Variants in XPNPEP1 observed in about 807,000 individuals in gnomAD.
The protein encoded by XPNPEP1 is X-prolyl aminopeptidase 1, also known as xaa-Pro aminopeptidase 1.
Under a neutral mutation model 92.4 loss-of-function variants are expected in XPNPEP1, and 39 were observed. The observed-to-expected ratio is 0.42, with a 90% CI of 0.33 to 0.55. The LOEUF is 0.55. Among genes scored for constraint, XPNPEP1 ranks in the 20% least tolerant of loss-of-function variants. The pLI, the probability that XPNPEP1 is intolerant of heterozygous loss-of-function variation, is 0.08. For missense variants in XPNPEP1, 654 were observed against 856.1 expected, an observed-to-expected ratio of 0.76 and a Z score of 2.95; for synonymous variants, 307 against 299.4, an observed-to-expected ratio of 1.03 and a Z score of -0.26.
chr10:109,920,816 G>T (rs900842876), intron 1 of XPNPEP1, among the ~76,000 whole-genome samples: 1 of 152,052 alleles, frequency 6.6e-6, no homozygotes, highest in African/African-American at 2.4e-5. Context: ...AAAGTGCTGG[G>T]ACTATAGGTG....
intron 7 of XPNPEP1, among the ~76,000 whole-genome samples, chr10:109,887,285 G>A (rs540565644): frequency 1.1e-4 from 17 of 152,126 alleles, no homozygotes; most frequent in Admixed American, 4.6e-4. Context: ...TCCCCATTCC[G>A]CAATACCCCT....
chr10:109,887,929 G>C lies in XPNPEP1; in HGVS notation c.652+120C>G, dbSNP rs1048905780. Reference sequence around the variant, plus strand: ...TCAAATATCCCACTGGGGCAGAGTAGGGCAAAATCCTCCTGTCAGCTCCAA... The same window carrying C: ...TCAAATATCCCACTGGGGCAGAGTACGGCAAAATCCTCCTGTCAGCTCCAA... On this transcript the variant is annotated intron_variant, in intron 7 of 20. Coordinates refer to ENST00000502935, the MANE Select transcript of XPNPEP1 (RefSeq NM_020383.4). The C allele has an allele frequency of 3.5e-6, 5 of 1,422,884 alleles. No homozygotes were observed. In the African/African-American group the frequency reaches 5.7e-5, roughly 16 times the overall value. The allele number at this position is 1,422,884 out of a possible 1,614,324, so 88.1% of individuals were successfully genotyped here.
At chr10:109,908,015 A>G (rs1849653567) in intron 2 of XPNPEP1, among the ~76,000 whole-genome samples, 200 bp from the exon 3 acceptor site, 1 of 152,206 alleles carries the variant, frequency 6.6e-6, no homozygotes, top group Non-Finnish European at 1.5e-5. Flanking sequence ...TACTACCTCC[A>G]AATAGCCATT....
In XPNPEP1 at chr10:109,867,473, C is replaced by T. The variant is rs1417062272; in HGVS notation, c.1872+1141G>A. 1.3e-5 allele frequency among the ~76,000 whole-genome samples: 2 copies of T among 152,212 alleles called. No individual in the cohort carries two copies. The highest frequency in any genetic ancestry group is 4.8e-5 in the African/African-American group (2 of 41,444). On this transcript the variant is annotated intron_variant, in intron 20 of 20. Coordinates refer to ENST00000502935, the MANE Select transcript of XPNPEP1 (RefSeq NM_020383.4). The surrounding 1 kb of genome is among the most constrained non-coding windows in gnomAD (Gnocchi z 4.5). ...AAGGGCACGGATGGTTAAGCAGAGG[C>T]GCTCAAGCACAGAGGAAAGCTAAGC...
Position 109,886,343 on chromosome 10 carries a change from T to C in XPNPEP1, c.653-2A>G, listed in dbSNP as rs1289302208. On this transcript the variant is annotated splice_acceptor_variant, in intron 7 of 20. Coordinates refer to ENST00000502935, the MANE Select transcript of XPNPEP1 (RefSeq NM_020383.4). LOFTEE classifies it high-confidence loss of function. ...CAACCTTGTCCTTCCAGGAGATGCC[T>C]GCAAGAAACAAATGTGCTTTAACTC... The C allele has an allele frequency of 1.2e-6, 2 of 1,613,858 alleles. No individual in the cohort carries two copies. Among genetic ancestry groups the C allele is most frequent in the South Asian group, 1.1e-5 (1 of 90,988 alleles).
At position 109,871,124 on chromosome 10, in the gene XPNPEP1, T is replaced by C. The variant is rs1019137799; in HGVS notation, c.1523-220A>G. 103 of 495,616 alleles carry C rather than the reference T, an allele frequency of 2.1e-4. 1 individual carries two copies. The highest frequency in any genetic ancestry group is 1.9e-3 in the South Asian group (56 of 29,538). The allele number at this position is 495,616 out of a possible 1,614,324, so 30.7% of individuals were successfully genotyped here. ...GGCGATCATCCATTCAGGATGCTGGTGAGCGGGGATAGACACCTACAGCAC... is the reference window on the plus strand; with the variant it reads ...GGCGATCATCCATTCAGGATGCTGGCGAGCGGGGATAGACACCTACAGCAC... On this transcript the variant is annotated intron_variant, in intron 17 of 20. Transcript: ENST00000502935.
intron 5 of XPNPEP1, chr10:109,891,189 T>G (rs1044439922): frequency 2.6e-5 from 4 of 152,440 alleles, no homozygotes; most frequent in Non-Finnish European, 5.9e-5. Context: ...ATATGTTACT[T>G]ACTGTGATTA....
chr10:109,899,821 G>A (rs1260640390), intron 3 of XPNPEP1, among the ~76,000 whole-genome samples: 1 of 152,232 alleles, frequency 6.6e-6, no homozygotes, highest in Non-Finnish European at 1.5e-5. Context: ...GTCTACGGAT[G>A]AGGAGGATGA....
chr10:109,914,085 TAA>T (rs11311514), intron 2 of XPNPEP1, among the ~76,000 whole-genome samples: 57 of 145,664 alleles, frequency 3.9e-4, no homozygotes, highest in East Asian at 9.9e-4. Flanking sequence ...TTCAGTCAGC[TAA>T]AAAAAAAAAA....
rs373254557 is a variant in XPNPEP1 at position 109,891,837 on chromosome 10, G to C, written c.311-11C>G. 1.5e-5 allele frequency: 24 copies of C among 1,607,926 alleles called. No homozygotes were observed. The highest frequency in any genetic ancestry group is 2.0e-5 in the Non-Finnish European group (24 of 1,177,782). ...TGATGATGGCTGTGCCTGAAGCAGG[G>C]GAGAAAAAAAAAAGAAGAAGAAAGG... is the stretch of plus-strand genomic sequence containing the variant. On this transcript the variant is annotated splice_polypyrimidine_tract_variant and intron_variant, in intron 4 of 20. Coordinates refer to ENST00000502935, the MANE Select transcript of XPNPEP1 (RefSeq NM_020383.4).
chr10:109,871,882 C>CA (rs1847502404), intron 16 of XPNPEP1, 21 bp from the exon 17 acceptor site: 1 of 1,611,844 alleles, frequency 6.2e-7, no homozygotes, highest in Middle Eastern at 1.7e-4. Flanking sequence ...AACCCAGGGG[C>CA]ATGTTGCAGA....
At chr10:109,893,231 G>T in intron 3 of XPNPEP1, 156 bp from the exon 4 acceptor site, 1 of 623,642 alleles carries the variant, frequency 1.6e-6, no homozygotes, top group Non-Finnish European at 2.9e-6. Flanking sequence ...GAAAACAACA[G>T]ATTAGCACAC....
chr10:109,919,449 G>A (rs1352609470), intron 1 of XPNPEP1, among the ~76,000 whole-genome samples: 2 of 152,150 alleles, frequency 1.3e-5, no homozygotes, highest in African/African-American at 4.8e-5. Flanking sequence ...CACCCACTAG[G>A]AAGGTTATAA....
chr10:109,871,908 T>C, intron 16 of XPNPEP1, 47 bp from the exon 17 acceptor site: 2 of 1,574,580 alleles, frequency 1.3e-6, no homozygotes, highest in South Asian at 2.3e-5. Flanking sequence ...GACAGATGTC[T>C]AATCCTGTAG....
At chr10:109,914,213 A>T (rs777990285) in intron 2 of XPNPEP1, among the ~76,000 whole-genome samples, 8 of 152,202 alleles carry the variant, frequency 5.3e-5, no homozygotes, top group Non-Finnish European at 7.3e-5. Flanking sequence ...ACAATTAACC[A>T]GTTCTGGGGA....
At chr10:109,882,339 G>A in intron 10 of XPNPEP1, 93 bp downstream of exon 10, 1 of 1,441,978 alleles carries the variant, frequency 6.9e-7, no homozygotes, top group Non-Finnish European at 9.5e-7. Flanking sequence ...TGATCCAACA[G>A]GCAGCCTCAG....
intron 19 of XPNPEP1, 64 bp downstream of exon 19, chr10:109,869,889 G>A: frequency 6.6e-7 from 1 of 1,522,764 alleles, no homozygotes; most frequent in Non-Finnish European, 9.1e-7. Flanking sequence ...TGTAGCCAAT[G>A]AGGTCTATCC....
At chr10:109,910,158 T>C (rs549266515) in intron 2 of XPNPEP1, among the ~76,000 whole-genome samples, 2 of 152,258 alleles carry the variant, frequency 1.3e-5, no homozygotes, top group Admixed American at 6.5e-5. Context: ...ACTGAGCTTT[T>C]CTACTGTCTC....
At chr10:109,883,598 T>C (rs1480267656) in intron 9 of XPNPEP1, among the ~76,000 whole-genome samples, 2 of 152,168 alleles carry the variant, frequency 1.3e-5, no homozygotes, top group Admixed American at 6.5e-5. Context: ...AATAAATGTG[T>C]TGTCTTAATG....
Sources: gnomAD v4.1 joint callset for allele counts (sites outside exome capture counted in the v4.1 genomes callset) on GRCh38, gnomAD v4.1.1 for gene constraint, Gnocchi (gnomAD v3.1) non-coding constraint, MANE v1.5 for transcripts, NCBI Gene and HGNC (gene_info 2026-07-23, HGNC 2026-07-21) for gene names.